DPF3: variants seen among roughly 807,000 people sequenced by gnomAD.
The protein encoded by DPF3 is zinc finger protein DPF3.
DPF3 carries 18 observed loss-of-function variants against 56.8 expected under a neutral mutation model. The ratio of observed to expected loss-of-function variants is 0.32; its 90% confidence interval spans 0.22 to 0.47. The LOEUF (loss-of-function observed/expected upper bound fraction) is 0.47, where lower values mean the gene tolerates loss of function less well. DPF3 is among the 20% of genes least tolerant of loss of function. The probability of loss-of-function intolerance (pLI) is 1.00; values close to 1 mark genes in which losing one functional copy is unlikely to be tolerated. For missense variants in DPF3, 403 were observed against 488.8 expected (o/e 0.82, Z 1.65); for synonymous variants, 188 against 180.2 (o/e 1.04, Z -0.35).
chr14:72,747,627 A>G (rs955062432), intron 3 of DPF3, among the ~76,000 whole-genome samples: 1 of 142,734 alleles, frequency 7.0e-6, no homozygotes, highest in Non-Finnish European at 1.5e-5. Context: ...CGTCTCTACA[A>G]AAAAAAAAAA....
intron 8 of DPF3, among the ~76,000 whole-genome samples, chr14:72,665,991 A>C (rs988541311): frequency 2.0e-5 from 3 of 152,232 alleles, no homozygotes; most frequent in Non-Finnish European, 2.9e-5. Flanking sequence ...TTTTTATCTA[A>C]TAATTCAGTT....
intron 2 of DPF3, among the ~76,000 whole-genome samples, chr14:72,758,264 G>A (rs923475583): frequency 1.4e-4 from 22 of 152,146 alleles, no homozygotes; most frequent in Admixed American, 1.4e-3. Flanking sequence ...TGAAGACAAT[G>A]AACATCAGGC....
chr14:72,742,442 C>G (rs1428289632), intron 3 of DPF3: 1 of 151,634 alleles, frequency 6.6e-6, no homozygotes, highest in Non-Finnish European at 1.5e-5. Flanking sequence ...TGGCTCACAC[C>G]TGGCTCGAGG....
intron 8 of DPF3, chr14:72,661,405 G>A (rs976920512): frequency 1.4e-5 from 14 of 985,354 alleles, no homozygotes; most frequent in Non-Finnish European, 1.7e-5. Flanking sequence ...TGTGACTCAA[G>A]GACCTCTGCT....
intron 5 of DPF3, among the ~76,000 whole-genome samples, chr14:72,717,403 A>G (rs1020736353): frequency 6.6e-6 from 1 of 152,198 alleles, no homozygotes; most frequent in African/African-American, 2.4e-5. Context: ...CACAGGGGAC[A>G]GCACTAAGTC....
At chr14:72,879,270 C>G (rs1295410145) in intron 1 of DPF3, among the ~76,000 whole-genome samples, 1 of 151,980 alleles carries the variant, frequency 6.6e-6, no homozygotes, top group Non-Finnish European at 1.5e-5. Flanking sequence ...ATTGTCCCAG[C>G]TACTCAGGAG....
intron 1 of DPF3, among the ~76,000 whole-genome samples, chr14:72,784,249 C>G: frequency 6.6e-6 from 1 of 152,094 alleles, no homozygotes; most frequent in East Asian, 1.9e-4. Context: ...TAGAACAAAG[C>G]CAGACTGACC....
intron 2 of DPF3, among the ~76,000 whole-genome samples, chr14:72,757,434 C>G (rs1890885840): frequency 6.6e-6 from 1 of 152,136 alleles, no homozygotes; most frequent in Admixed American, 6.5e-5. Context: ...TGTCCACCCT[C>G]TGTTCCAACA....
At chr14:72,658,153 A>G (rs1196950142) in intron 8 of DPF3, among the ~76,000 whole-genome samples, 1 of 152,186 alleles carries the variant, frequency 6.6e-6, no homozygotes, top group Non-Finnish European at 1.5e-5. Flanking sequence ...AAAGAGTGTA[A>G]TCAGATTGTT....
At chr14:72,725,187 A>G (rs1889350260) in intron 4 of DPF3, among the ~76,000 whole-genome samples, 1 of 152,176 alleles carries the variant, frequency 6.6e-6, no homozygotes, top group Admixed American at 6.5e-5. Flanking sequence ...AAATGGCTAC[A>G]GTCCCAGCCC....
In DPF3 at chr14:72,691,986, C is replaced by T. The variant is rs547115634; in HGVS notation, c.742+1090G>A. ...CAAACCCATAAAGAAGGCAATATTA[C>T]GAGGGGAAAGTGGGGTGGAGGTTAA... On this transcript the variant is annotated intron_variant, in intron 7 of 10. Coordinates refer to ENST00000556509, the MANE Select transcript of DPF3 (RefSeq NM_001280542.3). 7.2e-5 allele frequency among the ~76,000 whole-genome samples: 11 copies of T among 152,164 alleles called. No homozygotes were observed. The South Asian group carries it at 8.3e-4, about 12-fold the overall frequency.
intron 8 of DPF3, among the ~76,000 whole-genome samples, chr14:72,655,818 G>C (rs1319823483): frequency 2.6e-5 from 4 of 152,114 alleles, no homozygotes; most frequent in Non-Finnish European, 5.9e-5. Context: ...GGTGAGTTAG[G>C]CACCAACTCT....
intron 3 of DPF3, among the ~76,000 whole-genome samples, chr14:72,736,739 A>G (rs763569526): frequency 1.4e-4 from 21 of 152,174 alleles, no homozygotes; most frequent in Non-Finnish European, 2.8e-4. Flanking sequence ...TTATTTGAAT[A>G]TGGCCCATCT....
intron 4 of DPF3, among the ~76,000 whole-genome samples, chr14:72,729,625 G>C (rs1889552051): frequency 6.6e-6 from 1 of 152,174 alleles, no homozygotes; most frequent in Admixed American, 6.5e-5. Context: ...GCCATGAAAA[G>C]ACATGAAGGA....
chr14:72,670,099 C>G, intron 8 of DPF3: 1 of 985,396 alleles, frequency 1.0e-6, no homozygotes, highest in Non-Finnish European at 1.2e-6. Context: ...GCCTGGCAGG[C>G]ACTATAAAAA....
At chr14:72,858,308 C>CAAAAA (rs34498163) in intron 1 of DPF3, among the ~76,000 whole-genome samples, 2 of 119,852 alleles carry the variant, frequency 1.7e-5, no homozygotes, top group Admixed American at 9.2e-5. Flanking sequence ...GACTCTATCT[C>CAAAAA]AAAAAAAAAA....
intron 1 of DPF3, among the ~76,000 whole-genome samples, chr14:72,789,773 T>C (rs551952555): frequency 6.6e-6 from 1 of 151,906 alleles, no homozygotes; most frequent in Non-Finnish European, 1.5e-5. Flanking sequence ...ACTCAAGTGA[T>C]CCACCTGCCT....
chr14:72,876,161 C>T (rs1156524304), intron 1 of DPF3, among the ~76,000 whole-genome samples: 1 of 152,250 alleles, frequency 6.6e-6, no homozygotes, highest in East Asian at 1.9e-4. Flanking sequence ...GTCTGCCCAG[C>T]GTTGCAAATC....
chr14:72,824,189 G>T (rs1052773442), intron 1 of DPF3, among the ~76,000 whole-genome samples: 4 of 152,146 alleles, frequency 2.6e-5, no homozygotes, highest in African/African-American at 9.7e-5. Flanking sequence ...GGAAAGAGGA[G>T]GAAAGGAATG....
Sources: allele counts gnomAD v4.1 joint callset (sites outside exome capture counted in the v4.1 genomes callset), GRCh38; gene constraint gnomAD v4.1.1; transcripts MANE v1.5; gene names NCBI Gene and HGNC (gene_info 2026-07-23, HGNC 2026-07-21).